The following RBM33 variants were observed in gnomAD, a reference collection of about 807,000 sequenced individuals.
RBM33 encodes RNA binding motif protein 33.
Under a neutral mutation model 132.6 loss-of-function variants are expected in RBM33, and 28 were observed. That is an observed-to-expected ratio of 0.21 (90% CI 0.16 to 0.29). The LOEUF (loss-of-function observed/expected upper bound fraction) is 0.29, where lower values mean the gene tolerates loss of function less well. Among genes scored for constraint, RBM33 ranks in the 10% least tolerant of loss-of-function variants. The pLI, the probability that RBM33 is intolerant of heterozygous loss-of-function variation, is 1.00. For synonymous variants in RBM33, 634 were observed against 593.0 expected (o/e 1.07, Z -1.01); for missense variants, 1,291 against 1,518.5 (o/e 0.85, Z 2.49).
chr7:155,705,975 A>G (rs1287925714), intron 6 of RBM33, among the ~76,000 whole-genome samples: 2 of 152,234 alleles, frequency 1.3e-5, no homozygotes, highest in African/African-American at 2.4e-5. Flanking sequence ...AAAAAATTGA[A>G]ATGATATGTA....
At chr7:155,704,544 A>G (rs895838034) in intron 6 of RBM33, among the ~76,000 whole-genome samples, 13 of 152,294 alleles carry the variant, frequency 8.5e-5, no homozygotes, top group South Asian at 4.1e-4. Flanking sequence ...GTGTCCCCCA[A>G]TTGCCAGTCC....
At chr7:155,729,412 A>G (rs1800888729) in intron 9 of RBM33, among the ~76,000 whole-genome samples, 1 of 152,126 alleles carries the variant, frequency 6.6e-6, no homozygotes, top group Admixed American at 6.5e-5. Context: ...TCCTTCTCTA[A>G]TGATATTATA....
intron 16 of RBM33, among the ~76,000 whole-genome samples, chr7:155,770,190 C>G (rs977734952): frequency 2.0e-5 from 3 of 152,222 alleles, no homozygotes; most frequent in East Asian, 3.8e-4. Context: ...GAAGACCCAG[C>G]ATGTTATGAT....
intron 1 of RBM33, 45 bp from the exon 2 acceptor site, chr7:155,665,130 C>A: frequency 6.6e-7 from 1 of 1,517,908 alleles, no homozygotes; most frequent in South Asian, 1.1e-5. Context: ...TGCATTGTGT[C>A]TATTTTAACT....
chr7:155,700,009 C>A (rs778712151), intron 5 of RBM33, among the ~76,000 whole-genome samples: 8 of 152,118 alleles, frequency 5.3e-5, no homozygotes, highest in Non-Finnish European at 8.8e-5. Flanking sequence ...AGAGGTGATT[C>A]TTTCACTAGG....
chr7:155,665,014 T>G (rs78303543), intron 1 of RBM33, among the ~76,000 whole-genome samples, 161 bp from the exon 2 acceptor site: 1,623 of 152,288 alleles, frequency 0.011, 23 homozygotes, highest in African/African-American at 0.037. Flanking sequence ...AGATGTTTCA[T>G]TATTAAAAAT....
Position 155,711,217 on chromosome 7 carries a change from TCCACCG to T in RBM33, c.972_977del (p.Pro326_Pro327del). 1 of 1,571,474 alleles carries T rather than the reference TCCACCG, an allele frequency of 6.4e-7. No homozygotes were observed. Among genetic ancestry groups the T allele is most frequent in the South Asian group, 1.2e-5 (1 of 86,396 alleles). On this transcript the variant is annotated inframe_deletion, in exon 8 of 18. Transcript: ENST00000401878. ...TTCCTCCACAGCCCCAGGCTCCCCC[TCCACCG>T]CCACCGCCGCCTCAGCAGCAGCCGA... is the stretch of plus-strand genomic sequence containing the variant.
chr7:155,772,799 C>T (rs768675525), intron 16 of RBM33, among the ~76,000 whole-genome samples: 16 of 152,170 alleles, frequency 1.1e-4, no homozygotes, highest in African/African-American at 2.7e-4. Context: ...GTAGCCTGTG[C>T]GCAGGCCTTC....
chr7:155,739,819 G>GGCCCC lies in RBM33; in HGVS notation c.1842_1843insGCCCC (p.Pro615AlafsTer37). ...AGCCTCCGCACCAGCCCCCGCACCA[G>GGCCCC]CCCCCGCCCCAGCACCAGCCCCCAC... On this transcript the variant is annotated frameshift_variant, in exon 12 of 18. Coordinates refer to ENST00000401878, the MANE Select transcript of RBM33 (RefSeq NM_053043.3). LOFTEE classifies it high-confidence loss of function. 1 of 469,802 alleles carries GGCCCC rather than the reference G, an allele frequency of 2.1e-6. No individual in the cohort carries two copies. The highest frequency in any genetic ancestry group is 3.0e-6 in the Non-Finnish European group (1 of 333,160). 29.1% of individuals were successfully genotyped at this position (469,802 alleles called of 1,614,324 possible).
rs781491493 is a variant in RBM33, at chr7:155,711,261, T to C, written c.1007T>C (p.Phe336Ser). 1.6e-5 allele frequency: 26 copies of C among 1,602,454 alleles called. No individual in the cohort carries two copies. Among genetic ancestry groups the C allele is most frequent in the Non-Finnish European group, 1.7e-6 (2 of 1,175,038 alleles). Residue 336 changes from phenylalanine to serine, a missense_variant, in exon 8 of 18, where the codon TTC becomes TCC. This residue lies in a region of RBM33 where 146 missense variants were observed against 137.1 expected (regional missense o/e 1.07). Transcript: ENST00000401878. ...PPQQQPIRSL[F>S]QPQPLQPLLP... Reference sequence around the variant, plus strand: ...CAGCAGCAGCCGATCAGAAGCCTGTTCCAGCCGCAGCCGCTGCAGCCGCTG... The same window carrying C: ...CAGCAGCAGCCGATCAGAAGCCTGTCCCAGCCGCAGCCGCTGCAGCCGCTG...
chr7:155,746,509 AG>A (rs1416877511), intron 14 of RBM33: 5 of 152,262 alleles, frequency 3.3e-5, no homozygotes, highest in Admixed American at 3.3e-4. Flanking sequence ...AGTCAGGCAC[AG>A]GAAGTGCAGT....
chr7:155,644,912 C>A lies in RBM33; in HGVS notation c.36C>A (p.Gly12=). The change falls in exon 1 of 18, where the codon GGC becomes GGA. Residue 12 remains glycine (G), a synonymous_variant. Coordinates refer to ENST00000401878, the MANE Select transcript of RBM33 (RefSeq NM_053043.3). ...CCCTGGGAGCGAGCGGAGGAGCAGGCGCCGGAGGTACGTGAGGCAGCCGGA... is the reference window on the plus strand; with the variant it reads ...CCCTGGGAGCGAGCGGAGGAGCAGGAGCCGGAGGTACGTGAGGCAGCCGGA... ...AAALGASGGA[G]AGDDDFDQFD... 1 of 1,499,016 alleles carries A rather than the reference C, an allele frequency of 6.7e-7. No homozygotes were observed. The highest frequency in any genetic ancestry group is 8.8e-7 in the Non-Finnish European group (1 of 1,130,162). The allele number at this position is 1,499,016 out of a possible 1,614,324, so 92.9% of individuals were successfully genotyped here.
intron 2 of RBM33, among the ~76,000 whole-genome samples, chr7:155,672,181 T>G (rs535961115): frequency 8.5e-5 from 13 of 152,252 alleles, no homozygotes; most frequent in African/African-American, 3.1e-4. Context: ...TCCTAATCAA[T>G]TATATTGTGC....
At chr7:155,669,570 C>G (rs987140517) in intron 2 of RBM33, among the ~76,000 whole-genome samples, 2 of 152,170 alleles carry the variant, frequency 1.3e-5, no homozygotes, top group Non-Finnish European at 2.9e-5. Context: ...CCAGGCTGGT[C>G]TTGAACTCCT....
intron 5 of RBM33, among the ~76,000 whole-genome samples, chr7:155,687,216 TTC>T (rs1230012817): frequency 1.3e-5 from 2 of 152,262 alleles, no homozygotes; most frequent in Non-Finnish European, 2.9e-5. Flanking sequence ...TGATTTGCAT[TTC>T]TCTGATGGCC....
intron 1 of RBM33, among the ~76,000 whole-genome samples, chr7:155,664,405 C>A (rs1004148389): frequency 6.6e-6 from 1 of 151,388 alleles, no homozygotes; most frequent in Non-Finnish European, 1.5e-5. Flanking sequence ...GGACTACGGA[C>A]GTGCACCTCC....
chr7:155,700,743 C>CT (rs1163034324), intron 5 of RBM33, 30 bp from the exon 6 acceptor site: 9 of 1,486,490 alleles, frequency 6.1e-6, no homozygotes, highest in South Asian at 2.6e-5. Flanking sequence ...ACTTACTGTC[C>CT]TTTTTTTGCC....
chr7:155,728,507 C>G (rs1800858469), intron 9 of RBM33, among the ~76,000 whole-genome samples: 2 of 152,198 alleles, frequency 1.3e-5, no homozygotes, highest in Non-Finnish European at 2.9e-5. Flanking sequence ...TTTACTCACC[C>G]TGAGTAAACG....
intron 1 of RBM33, among the ~76,000 whole-genome samples, chr7:155,645,509 G>A (rs1798160148): frequency 6.6e-6 from 1 of 152,174 alleles, no homozygotes; most frequent in Non-Finnish European, 1.5e-5. Flanking sequence ...TGTTTTATGT[G>A]CGTCTTCCAA....
Sources: allele counts gnomAD v4.1 joint callset (sites outside exome capture counted in the v4.1 genomes callset), GRCh38; gene constraint gnomAD v4.1.1; regional missense constraint gnomAD v4.1.1; transcripts MANE v1.5; gene names NCBI Gene and HGNC (gene_info 2026-07-23, HGNC 2026-07-21).